Variants in PPM1L observed in about 807,000 individuals in gnomAD.
PPM1L encodes the protein protein phosphatase 1L.
PPM1L carries 13 observed loss-of-function variants against 31.4 expected under a neutral mutation model. The observed-to-expected ratio is 0.41, with a 90% confidence interval of 0.27 to 0.66. The LOEUF is 0.66. Ranked by LOEUF, PPM1L falls within the 30% of genes least tolerant of loss-of-function variation. The pLI is 0.29. For missense variants in PPM1L, 326 were observed against 453.7 expected (o/e 0.72, Z 2.56); for synonymous variants, 184 against 175.4 (o/e 1.05, Z -0.39).
At chr3:160,830,913 C>G (rs753941066) in intron 1 of PPM1L, among the ~76,000 whole-genome samples, 52 of 152,192 alleles carry the variant, frequency 3.4e-4, no homozygotes, top group Non-Finnish European at 5.0e-4. Context: ...TCCACTTTAG[C>G]ACAGATTGTA....
chr3:160,912,411 A>G (rs1386933155), intron 1 of PPM1L, among the ~76,000 whole-genome samples: 1 of 152,244 alleles, frequency 6.6e-6, no homozygotes, highest in Non-Finnish European at 1.5e-5. Flanking sequence ...ACAGAGGAAT[A>G]AATCATGGCA....
intron 1 of PPM1L, among the ~76,000 whole-genome samples, chr3:160,839,085 G>A (rs1464578468): frequency 6.6e-6 from 1 of 152,124 alleles, no homozygotes; most frequent in Non-Finnish European, 1.5e-5. Flanking sequence ...TTATGACATG[G>A]CAAGAAGGCC....
chr3:160,884,714 C>G (rs2108040624), intron 1 of PPM1L, among the ~76,000 whole-genome samples: 1 of 152,322 alleles, frequency 6.6e-6, no homozygotes, highest in South Asian at 2.1e-4. Flanking sequence ...GGGCCACTTT[C>G]ATAAATATTT....
At chr3:160,900,485 G>A (rs971073705) in intron 1 of PPM1L, among the ~76,000 whole-genome samples, 1 of 151,906 alleles carries the variant, frequency 6.6e-6, no homozygotes, top group Admixed American at 6.5e-5. Flanking sequence ...AAATATCCAT[G>A]GGCTCCAACC....
intron 1 of PPM1L, among the ~76,000 whole-genome samples, chr3:160,762,146 A>G (rs1714985499): frequency 6.6e-6 from 1 of 152,226 alleles, no homozygotes; most frequent in Admixed American, 6.5e-5. Flanking sequence ...ACAGTGAATG[A>G]TCTGCTTTTC....
At chr3:161,008,345 A>G (rs1717782469) in intron 2 of PPM1L, among the ~76,000 whole-genome samples, 1 of 152,164 alleles carries the variant, frequency 6.6e-6, no homozygotes, top group African/African-American at 2.4e-5. Flanking sequence ...TCCCCATTCA[A>G]TCTATTAGAA....
intron 1 of PPM1L, among the ~76,000 whole-genome samples, chr3:160,800,591 T>C (rs1194444186): frequency 6.6e-6 from 1 of 152,224 alleles, no homozygotes; most frequent in Admixed American, 6.5e-5. Flanking sequence ...TTTCTTTGTT[T>C]GAATAGCATG....
rs570863317 is a variant in PPM1L at position 160,917,017 on chromosome 3, A to G, written c.400-44719A>G. Among the ~76,000 whole-genome samples, 14 of 152,324 alleles carry G rather than the reference A, an allele frequency of 9.2e-5. No homozygotes were observed. In the South Asian group the frequency reaches 2.7e-3, roughly 29 times the overall value. On this transcript the variant is annotated intron_variant, in intron 1 of 3. Coordinates refer to ENST00000498165, the MANE Select transcript of PPM1L (RefSeq NM_139245.4). ...TGTTCCAAGCTAAACTTCCTGGGGA[A>G]GAACACAGGCACTACTTTCAAGAGC... is the stretch of plus-strand genomic sequence containing the variant.
At chr3:160,982,496 A>T (rs538121390) in intron 2 of PPM1L, among the ~76,000 whole-genome samples, 17 of 152,282 alleles carry the variant, frequency 1.1e-4, no homozygotes, top group Non-Finnish European at 2.1e-4. Context: ...ATCACATTTT[A>T]AATTATATCT....
chr3:161,041,120 C>T (rs897420195), intron 2 of PPM1L, among the ~76,000 whole-genome samples: 6 of 152,216 alleles, frequency 3.9e-5, no homozygotes, highest in African/African-American at 1.4e-4. Context: ...AATCTTTTAT[C>T]TTAACCTGGA....
chr3:160,824,252 C>T (rs930471988), intron 1 of PPM1L, among the ~76,000 whole-genome samples: 1 of 152,076 alleles, frequency 6.6e-6, no homozygotes, highest in Admixed American at 6.6e-5. Context: ...AGGCAGTCTG[C>T]AACCTGGAAA....
chr3:160,933,556 C>A (rs1438042614), intron 1 of PPM1L, among the ~76,000 whole-genome samples: 1 of 152,154 alleles, frequency 6.6e-6, no homozygotes, highest in Admixed American at 6.5e-5. Context: ...CTCTTCCTTG[C>A]CTCCTCATTA....
chr3:160,994,175 T>A (rs947416434), intron 2 of PPM1L, among the ~76,000 whole-genome samples: 6 of 152,184 alleles, frequency 3.9e-5, no homozygotes, highest in African/African-American at 1.4e-4. Flanking sequence ...CTATTTGTTA[T>A]GCTGACCCTT....
At chr3:160,801,820 T>C (rs544567417) in intron 1 of PPM1L, among the ~76,000 whole-genome samples, 10 of 152,344 alleles carry the variant, frequency 6.6e-5, no homozygotes, top group Admixed American at 5.9e-4. Context: ...GTTTATATTA[T>C]CTACAGATTA....
At chr3:160,999,367 A>G (rs939458222) in intron 2 of PPM1L, among the ~76,000 whole-genome samples, 1 of 152,206 alleles carries the variant, frequency 6.6e-6, no homozygotes, top group Non-Finnish European at 1.5e-5. Context: ...TTAGTAAGCC[A>G]TATTTCACTG....
At chr3:161,040,609 C>G (rs919697721) in intron 2 of PPM1L, among the ~76,000 whole-genome samples, 2 of 152,120 alleles carry the variant, frequency 1.3e-5, no homozygotes, top group African/African-American at 4.8e-5. Context: ...ATTAATTAAT[C>G]ACAAAAAATC....
At chr3:160,969,502 T>G (rs574241921) in intron 2 of PPM1L, among the ~76,000 whole-genome samples, 1 of 151,352 alleles carries the variant, frequency 6.6e-6, no homozygotes, top group African/African-American at 2.4e-5. Flanking sequence ...GTTGAATTAT[T>G]TAGGGACTTT....
intron 1 of PPM1L, among the ~76,000 whole-genome samples, chr3:160,913,037 A>T (rs557187661): frequency 1.3e-5 from 2 of 152,292 alleles, no homozygotes; most frequent in East Asian, 1.9e-4. Flanking sequence ...ACAGGTTATC[A>T]TGGGATAGAT....
chr3:160,855,101 G>A (rs188135564), intron 1 of PPM1L, among the ~76,000 whole-genome samples: 97 of 152,114 alleles, frequency 6.4e-4, no homozygotes, highest in Non-Finnish European at 9.7e-4. Flanking sequence ...CTTCGACAAA[G>A]TCAACAAAAA....
Sources: gnomAD v4.1 joint callset for allele counts (sites outside exome capture counted in the v4.1 genomes callset) on GRCh38, gnomAD v4.1.1 for gene constraint, MANE v1.5 for transcripts, NCBI Gene and HGNC (gene_info 2026-07-23, HGNC 2026-07-21) for gene names.